The following AKAP6 variants were observed in gnomAD, a reference collection of about 807,000 sequenced individuals.
AKAP6 encodes the protein A-kinase anchoring protein 6.
A neutral mutation model predicts 188.5 loss-of-function variants in AKAP6; 58 were observed. The observed-to-expected ratio is 0.31, with a 90% CI of 0.25 to 0.38. The LOEUF is 0.38. Ranked by LOEUF, AKAP6 falls within the 10% of genes least tolerant of loss-of-function variation. The pLI, the probability that AKAP6 is intolerant of heterozygous loss-of-function variation, is 1.00. For missense variants in AKAP6, 2,710 were observed against 2,740.0 expected, an observed-to-expected ratio of 0.99 and a Z score of 0.24; for synonymous variants, 989 against 998.6, an observed-to-expected ratio of 0.99 and a Z score of 0.18.
At chr14:32,712,814 C>G (rs905766309) in intron 9 of AKAP6, among the ~76,000 whole-genome samples, 7 of 152,034 alleles carry the variant, frequency 4.6e-5, no homozygotes, top group Admixed American at 4.6e-4. Context: ...CCTCAGTCAT[C>G]CATAAGGGTT....
At chr14:32,406,619 A>G (rs1889305000) in intron 1 of AKAP6, among the ~76,000 whole-genome samples, 2 of 152,234 alleles carry the variant, frequency 1.3e-5, no homozygotes. Flanking sequence ...GTGTTAATAA[A>G]AAGCAAGTTG....
intron 7 of AKAP6, among the ~76,000 whole-genome samples, chr14:32,638,611 TA>T (rs1887618922): frequency 6.6e-6 from 1 of 152,134 alleles, no homozygotes; most frequent in South Asian, 2.1e-4. Flanking sequence ...AAAATGGTAT[TA>T]TAAGTAGGAA....
chr14:32,585,495 T>C (rs1015486516), intron 5 of AKAP6, among the ~76,000 whole-genome samples: 119 of 137,274 alleles, frequency 8.7e-4, no homozygotes, highest in African/African-American at 3.0e-3. Context: ...TATATATATG[T>C]GTGTGTGTGT....
rs143125027 is a variant in AKAP6 at position 32,568,913 on chromosome 14, T to C, written c.2347-8207T>C. Among the ~76,000 whole-genome samples the C allele has an allele frequency of 4.8e-3, 724 of 152,290 alleles. 2 individuals are homozygous for C. Among genetic ancestry groups the C allele is most frequent in the African/African-American group, 0.017 (696 of 41,568 alleles). Reference sequence around the variant, plus strand: ...TTTATTAGACTTTGATGATATGCATTCCAATCTTGTTTTGCCCTTAGAATG... The same window carrying C: ...TTTATTAGACTTTGATGATATGCATCCCAATCTTGTTTTGCCCTTAGAATG... On this transcript the variant is annotated intron_variant, in intron 4 of 13. Transcript: ENST00000280979. The surrounding 1 kb of genome is among the most constrained non-coding windows in gnomAD (Gnocchi z 6.2).
At chr14:32,742,492 T>G (rs2031723720) in intron 11 of AKAP6, among the ~76,000 whole-genome samples, 1 of 152,016 alleles carries the variant, frequency 6.6e-6, no homozygotes, top group African/African-American at 2.4e-5. Context: ...CTTTTTTTGA[T>G]GTAGGCACTT....
In AKAP6 at chr14:32,700,814, G is replaced by T. The variant is rs147953048; in HGVS notation, c.3000+4704G>T. 2.3e-3 allele frequency among the ~76,000 whole-genome samples: 353 copies of T among 152,236 alleles called. 1 individual carries two copies. Among genetic ancestry groups the T allele is most frequent in the African/African-American group, 7.9e-3 (328 of 41,536 alleles). ...AATCATGAAACACTGCTTGAATGGA[G>T]ACCAGAAAGTGAGGTGGGGAGAAAG... On this transcript the variant is annotated intron_variant, in intron 9 of 13. Coordinates refer to ENST00000280979, the MANE Select transcript of AKAP6 (RefSeq NM_004274.5).
At chr14:32,467,853 T>C (rs1404870174) in intron 2 of AKAP6, among the ~76,000 whole-genome samples, 5 of 152,148 alleles carry the variant, frequency 3.3e-5, no homozygotes, top group Admixed American at 3.3e-4. Flanking sequence ...TCTTTTCTTT[T>C]GCCATTACAT....
Position 32,510,826 on chromosome 14 carries a change from A to G in AKAP6, c.325-24728A>G, listed in dbSNP as rs572529362. Reference sequence around the variant, plus strand: ...TCATTTAGTTTTTCGTGTTAGCTCTAGTTATGTGAAATCTCTGGAGTCATG... The same window carrying G: ...TCATTTAGTTTTTCGTGTTAGCTCTGGTTATGTGAAATCTCTGGAGTCATG... On this transcript the variant is annotated intron_variant, in intron 2 of 13. Transcript: ENST00000280979. 5.9e-5 allele frequency among the ~76,000 whole-genome samples: 9 copies of G among 152,232 alleles called. No homozygotes were observed. The East Asian group carries it at 1.4e-3, about 23-fold the overall frequency.
rs145698934 is a variant in AKAP6, at chr14:32,518,663, C to T, written c.325-16891C>T. ...TTAGAAGAAAAAGAGTAAAAAGAAA[C>T]GAACAAAGCCTCCAAGAAATATGGG... On this transcript the variant is annotated intron_variant, in intron 2 of 13. Coordinates refer to ENST00000280979, the MANE Select transcript of AKAP6 (RefSeq NM_004274.5). 1.6e-3 allele frequency among the ~76,000 whole-genome samples: 236 copies of T among 152,124 alleles called. 2 individuals are homozygous for T. The highest frequency in any genetic ancestry group is 0.012 in the Admixed American group (188 of 15,264).
intron 9 of AKAP6, among the ~76,000 whole-genome samples, chr14:32,698,584 A>C (rs1262541626): frequency 4.6e-5 from 7 of 151,730 alleles, no homozygotes; most frequent in Admixed American, 4.6e-4. Context: ...CAGAACATTT[A>C]CTCTTCATGT....
intron 7 of AKAP6, among the ~76,000 whole-genome samples, chr14:32,654,439 A>G (rs1888363616): frequency 6.6e-6 from 1 of 152,178 alleles, no homozygotes; most frequent in African/African-American, 2.4e-5. Context: ...GAAACCAATC[A>G]CAAATGCAAC....
intron 7 of AKAP6, among the ~76,000 whole-genome samples, chr14:32,607,119 G>A (rs1251184106): frequency 1.3e-5 from 2 of 152,140 alleles, no homozygotes; most frequent in Admixed American, 1.3e-4. Flanking sequence ...GGAGCTTCTT[G>A]GCAAGATGTT....
At chr14:32,423,416 T>G (rs531472532) in intron 1 of AKAP6, among the ~76,000 whole-genome samples, 1 of 152,114 alleles carries the variant, frequency 6.6e-6, no homozygotes, top group African/African-American at 2.4e-5. Flanking sequence ...CTGGGCTTAA[T>G]TGATCCCCCA....
chr14:32,696,497 T>C (rs1170357095), intron 9 of AKAP6, among the ~76,000 whole-genome samples: 1 of 152,176 alleles, frequency 6.6e-6, no homozygotes, highest in East Asian at 1.9e-4. Context: ...CCCTCAGATC[T>C]TCCCAGGGAA....
chr14:32,769,276 G>GACTTC (rs1315127969), intron 11 of AKAP6, among the ~76,000 whole-genome samples: 1 of 151,596 alleles, frequency 6.6e-6, no homozygotes, highest in African/African-American at 2.4e-5. Flanking sequence ...TTGAACTCCT[G>GACTTC]ACTTCAAGTG....
rs756485555 is a variant in AKAP6, at chr14:32,347,274, CAT to C, written c.-35+17867_-35+17868del. Among the ~76,000 whole-genome samples the C allele has an allele frequency of 2.3e-4, 35 of 152,254 alleles. 1 individual carries two copies. The highest frequency in any genetic ancestry group is 2.9e-4 in the African/African-American group (12 of 41,556). On this transcript the variant is annotated intron_variant, in intron 1 of 13. Transcript: ENST00000280979. ...AGAAGTCTTGCCCTTTTTTCTTACA[CAT>C]GTTTCTAAATTATTTTAGCTAACCC...
At chr14:32,584,802 TTG>T (rs1885154802) in intron 5 of AKAP6, among the ~76,000 whole-genome samples, 2 of 152,216 alleles carry the variant, frequency 1.3e-5, no homozygotes, top group Admixed American at 1.3e-4. Flanking sequence ...ATATGTTATG[TTG>T]TTTCATGTAT....
At position 32,397,303 on chromosome 14, in the gene AKAP6, T is replaced by C. The variant is rs185016801; in HGVS notation, c.-34-36157T>C. ...CTCTAGCTATTCATTGGAACAGCCA[T>C]TGGGCCCCTCAAAGCAGGTTGAGTA... is the stretch of plus-strand genomic sequence containing the variant. On this transcript the variant is annotated intron_variant, in intron 1 of 13. Transcript: ENST00000280979. Among the ~76,000 whole-genome samples, 12 of 152,144 alleles carry C rather than the reference T, an allele frequency of 7.9e-5. No homozygotes were observed. The East Asian group carries it at 1.9e-3, about 25-fold the overall frequency.
chr14:32,506,292 A>C (rs1880874275), intron 2 of AKAP6, among the ~76,000 whole-genome samples: 1 of 152,172 alleles, frequency 6.6e-6, no homozygotes, highest in South Asian at 2.1e-4. Context: ...TGGATAACTG[A>C]TCCATTCACA....
Sources: gnomAD v4.1 joint callset for allele counts (sites outside exome capture counted in the v4.1 genomes callset) on GRCh38, gnomAD v4.1.1 for gene constraint, Gnocchi (gnomAD v3.1) non-coding constraint, MANE v1.5 for transcripts, NCBI Gene and HGNC (gene_info 2026-07-23, HGNC 2026-07-21) for gene names.